Variants in TNNI3K observed in about 807,000 individuals in gnomAD.
TNNI3K encodes the protein TNNI3 interacting kinase.
Under a neutral mutation model 114.5 loss-of-function variants are expected in TNNI3K, and 140 were observed. That is an observed-to-expected ratio of 1.22 (90% CI 1.07 to 1.41). TNNI3K has a LOEUF of 1.41. TNNI3K is among the 40% of genes most tolerant of loss of function. TNNI3K has a pLI of 0.00. For synonymous variants in TNNI3K, 347 were observed against 347.5 expected, an observed-to-expected ratio of 1.00 and a Z score of 0.02; for missense variants, 1,125 against 1,007.6, an observed-to-expected ratio of 1.12 and a Z score of -1.58.
intron 5 of TNNI3K, among the ~76,000 whole-genome samples, chr1:74,310,565 C>T (rs1184527243): frequency 1.3e-4 from 20 of 152,156 alleles, no homozygotes; most frequent in Admixed American, 1.3e-3. Context: ...CAACTCCAAA[C>T]TATACTACAA....
At chr1:74,244,072 G>A (rs1293871441) in intron 2 of TNNI3K, among the ~76,000 whole-genome samples, 1 of 152,092 alleles carries the variant, frequency 6.6e-6, no homozygotes, top group Non-Finnish European at 1.5e-5. Flanking sequence ...TTAATTACAT[G>A]TTTCAAAACA....
At chr1:74,520,857 G>C (rs1486829799) in intron 23 of TNNI3K, among the ~76,000 whole-genome samples, 1 of 152,104 alleles carries the variant, frequency 6.6e-6, no homozygotes, top group East Asian at 1.9e-4. Flanking sequence ...GATCTGGAAG[G>C]TACATATGGA....
At chr1:74,340,253 C>CAA (rs1386156343) in intron 7 of TNNI3K, among the ~76,000 whole-genome samples, 10 of 152,094 alleles carry the variant, frequency 6.6e-5, no homozygotes, top group Admixed American at 4.6e-4. Context: ...CTACTCTCTT[C>CAA]AAAACAGAGC....
chr1:74,256,083 ATTTG>A (rs1471796585), intron 4 of TNNI3K, among the ~76,000 whole-genome samples: 1 of 152,144 alleles, frequency 6.6e-6, no homozygotes, highest in South Asian at 2.1e-4. Context: ...ACATACAGGT[ATTTG>A]TTTGAACATA....
At chr1:74,411,667 T>C (rs1285011648) in intron 17 of TNNI3K, among the ~76,000 whole-genome samples, 1 of 152,120 alleles carries the variant, frequency 6.6e-6, no homozygotes, top group African/African-American at 2.4e-5. Flanking sequence ...TAAGAAACAA[T>C]TGCTGCTTTC....
intron 17 of TNNI3K, chr1:74,401,880 G>GC: frequency 2.2e-6 from 1 of 454,218 alleles, no homozygotes; most frequent in Non-Finnish European, 4.4e-6. Context: ...CATAGTATTT[G>GC]CATCTGGAGG....
intron 17 of TNNI3K, among the ~76,000 whole-genome samples, chr1:74,384,500 C>T (rs192292617): frequency 6.6e-6 from 1 of 152,184 alleles, no homozygotes; most frequent in African/African-American, 2.4e-5. Flanking sequence ...CACTACTGAC[C>T]ATGTAAATTT....
chr1:74,428,140 T>C (rs968598133), intron 17 of TNNI3K, among the ~76,000 whole-genome samples: 1 of 152,074 alleles, frequency 6.6e-6, no homozygotes, highest in Non-Finnish European at 1.5e-5. Context: ...TATTGGAGTT[T>C]TCAGTTTCCA....
At chr1:74,383,363 C>T (rs1663303639) in intron 17 of TNNI3K, among the ~76,000 whole-genome samples, 1 of 151,990 alleles carries the variant, frequency 6.6e-6, no homozygotes, top group African/African-American at 2.4e-5. Flanking sequence ...TAGCCTTCAT[C>T]TGAAAAGCTT....
At chr1:74,457,533 G>A (rs17095359) in intron 20 of TNNI3K, among the ~76,000 whole-genome samples, 5,568 of 152,128 alleles carry the variant, frequency 0.037, 329 homozygotes, top group African/African-American at 0.13. Context: ...TTGTCTCACC[G>A]CAGCCCTGCC....
chr1:74,503,779 T>A (rs892330377), intron 23 of TNNI3K, among the ~76,000 whole-genome samples: 4 of 152,244 alleles, frequency 2.6e-5, no homozygotes, highest in African/African-American at 9.6e-5. Flanking sequence ...TCATAACTTC[T>A]TGAAATGCCC....
intron 23 of TNNI3K, among the ~76,000 whole-genome samples, chr1:74,493,402 T>G (rs1243491893): frequency 6.6e-6 from 1 of 152,060 alleles, no homozygotes; most frequent in Non-Finnish European, 1.5e-5. Context: ...ACAAAAAGAT[T>G]AAGCAAAAAG....
Position 74,235,443 on chromosome 1 carries a change from T to C in TNNI3K, c.-9T>C. The C allele has an allele frequency of 6.6e-7, 1 of 1,518,268 alleles. No individual in the cohort carries two copies. The highest frequency in any genetic ancestry group is 9.0e-7 in the Non-Finnish European group (1 of 1,109,700). The allele number at this position is 1,518,268 out of a possible 1,614,324, so 94.0% of individuals were successfully genotyped here. A position where few individuals can be genotyped will look rare whatever the true frequency, so the allele number is the denominator to read the frequency against. On this transcript the variant is annotated 5_prime_UTR_variant, in exon 1 of 25. Coordinates refer to ENST00000326637, the MANE Select transcript of TNNI3K (RefSeq NM_015978.3). ...AACTGCCCTGGAGAAAGGAAGAAAC[T>C]TATAATAAATGGGAAATTATAAATC... is the stretch of plus-strand genomic sequence containing the variant.
At chr1:74,438,725 A>AT (rs1181524877) in intron 19 of TNNI3K, among the ~76,000 whole-genome samples, 1 of 152,084 alleles carries the variant, frequency 6.6e-6, no homozygotes, top group Non-Finnish European at 1.5e-5. Flanking sequence ...ATGGAAACTA[A>AT]TTTTTTTAAC....
intron 12 of TNNI3K, 106 bp from the exon 13 acceptor site, chr1:74,367,802 G>A (rs1011832377): frequency 7.6e-6 from 8 of 1,058,558 alleles, no homozygotes; most frequent in East Asian, 2.8e-5. Context: ...GGCCTGAAGC[G>A]ATAGTTTTAC....
At chr1:74,454,941 T>G (rs1247487775) in intron 20 of TNNI3K, among the ~76,000 whole-genome samples, 1 of 152,210 alleles carries the variant, frequency 6.6e-6, no homozygotes, top group Non-Finnish European at 1.5e-5. Flanking sequence ...GAGCAGTGGT[T>G]GATAATAATA....
intron 5 of TNNI3K, among the ~76,000 whole-genome samples, chr1:74,281,984 C>T (rs1193459149): frequency 1.3e-5 from 2 of 152,078 alleles, no homozygotes; most frequent in African/African-American, 4.8e-5. Flanking sequence ...TATCATTGTA[C>T]TCCTGGAATG....
chr1:74,328,762 G>T (rs914209207), intron 5 of TNNI3K, among the ~76,000 whole-genome samples: 1 of 152,068 alleles, frequency 6.6e-6, no homozygotes, highest in African/African-American at 2.4e-5. Context: ...GTTTATTAAA[G>T]CCTAAGAACT....
chr1:74,534,252 C>A (rs1287085456), intron 23 of TNNI3K, among the ~76,000 whole-genome samples: 1 of 152,000 alleles, frequency 6.6e-6, no homozygotes, highest in Non-Finnish European at 1.5e-5. Flanking sequence ...AAATAGTATA[C>A]GTCTGTTATA....
Sources: gnomAD v4.1 joint callset for allele counts (sites outside exome capture counted in the v4.1 genomes callset) on GRCh38, gnomAD v4.1.1 for gene constraint, MANE v1.5 for transcripts, NCBI Gene and HGNC (gene_info 2026-07-23, HGNC 2026-07-21) for gene names.